Variants in TRIM49C observed in about 807,000 individuals in gnomAD.
TRIM49C encodes the protein tripartite motif containing 49C.
Under a neutral mutation model 21.4 loss-of-function variants are expected in TRIM49C, and 6 were observed. That is an observed-to-expected ratio of 0.28 (90% CI 0.15 to 0.55). TRIM49C has a LOEUF of 0.55. Ranked by LOEUF, TRIM49C falls within the 20% of genes least tolerant of loss-of-function variation. The pLI is 0.94. For missense variants in TRIM49C, 161 were observed against 442.4 expected (o/e 0.36, Z 5.71); for synonymous variants, 57 against 148.1 (o/e 0.38, Z 4.47).
At chr11:90,040,925 A>G (rs1352728079) in intron 7 of TRIM49C, 126 bp from the exon 8 acceptor site, 3 of 1,404,236 alleles carry the variant, frequency 2.1e-6, no homozygotes, top group Non-Finnish European at 2.8e-6. Context: ...ATACTTTACT[A>G]GAAGTTACAA....
At chr11:90,054,383 T>C in the TRIM49C span, among the ~76,000 whole-genome samples, 17 of 135,796 alleles carry the variant, frequency 1.3e-4, 6 homozygotes, top group Admixed American at 1.7e-4. Flanking sequence ...GGTGTTATAC[T>C]CCTTTTTCGC....
chr11:90,042,196 C>T (rs1950775695), downstream of TRIM49C, among the ~76,000 whole-genome samples: 1 of 146,136 alleles, frequency 6.8e-6, no homozygotes, highest in African/African-American at 2.6e-5. Flanking sequence ...CTACCTCAAA[C>T]CATACACAGT....
the TRIM49C span, among the ~76,000 whole-genome samples, chr11:90,069,268 C>A: frequency 1.7e-5 from 2 of 119,346 alleles, 1 homozygote; most frequent in Non-Finnish European, 3.3e-5. Flanking sequence ...CCACGCCCAG[C>A]TAATTTTTTT....
At chr11:90,065,949 C>T in the TRIM49C span, among the ~76,000 whole-genome samples, 1 of 133,818 alleles carries the variant, frequency 7.5e-6, no homozygotes, top group Admixed American at 8.7e-5. Context: ...GAGCGAGACT[C>T]TGTCTCAAAA....
At chr11:90,060,535 C>T in the TRIM49C span, among the ~76,000 whole-genome samples, 3 of 149,282 alleles carry the variant, frequency 2.0e-5, no homozygotes, top group Non-Finnish European at 4.5e-5. Flanking sequence ...CATTAATTTC[C>T]TAACCTTATT....
chr11:90,070,741 G>A, the TRIM49C span, among the ~76,000 whole-genome samples: 3 of 141,224 alleles, frequency 2.1e-5, 1 homozygote, highest in Non-Finnish European at 4.6e-5. Flanking sequence ...TAATTCTAAA[G>A]TTTTCAAAAC....
At position 90,039,373 on chromosome 11, in the gene TRIM49C, T is replaced by C. The variant is rs1478384719; in HGVS notation, c.762-492T>C. Among the ~76,000 whole-genome samples the C allele has an allele frequency of 1.2e-4, 16 of 129,572 alleles. 2 individuals are homozygous for C. The highest frequency in any genetic ancestry group is 4.7e-4 in the African/African-American group (16 of 34,206). 85.0% of individuals were successfully genotyped at this position (129,572 alleles called of 152,430 possible). A position where few individuals can be genotyped will look rare whatever the true frequency, so the allele number is the denominator to read the frequency against. ...TGATGTTTTGTTTTTTATACATATA[T>C]ACATATCAGTTAACAGTTCTGAAAA... is the stretch of plus-strand genomic sequence containing the variant. On this transcript the variant is annotated intron_variant, in intron 6 of 7. Transcript: ENST00000448984.
At chr11:90,034,969 G>A (rs1950714624) in intron 2 of TRIM49C, among the ~76,000 whole-genome samples, 1 of 136,488 alleles carries the variant, frequency 7.3e-6, no homozygotes, top group Non-Finnish European at 1.6e-5. Context: ...TTTGTATTAT[G>A]CTACAGACAG....
At chr11:90,046,030 G>A (rs367919447), downstream of TRIM49C, among the ~76,000 whole-genome samples, 3 of 121,794 alleles carry the variant, frequency 2.5e-5, 1 homozygote, top group East Asian at 7.6e-4. Flanking sequence ...TGCATCTATT[G>A]AGATAATCAC....
rs374297173 is a variant in TRIM49C at position 90,038,676 on chromosome 11, C to CTT, written c.739-5_739-4dup. On this transcript the variant is annotated splice_polypyrimidine_tract_variant and intron_variant, in intron 5 of 7. Coordinates refer to ENST00000448984, the MANE Select transcript of TRIM49C (RefSeq NM_001195234.1). ...TTGTGAAATGCACTAAATCTTTCTTCTTTTTTTTTTTTTCAGGCTTTTGGA... is the reference window on the plus strand; with the variant it reads ...TTGTGAAATGCACTAAATCTTTCTTCTTTTTTTTTTTTTTTCAGGCTTTTGGA... 786 of 811,378 alleles carry CTT rather than the reference C, an allele frequency of 9.7e-4. No homozygotes were observed. Among genetic ancestry groups the CTT allele is most frequent in the Admixed American group, 1.2e-3 (22 of 18,486 alleles). 50.3% of individuals were successfully genotyped at this position (811,378 alleles called of 1,614,324 possible).
chr11:90,059,204 G>A, the TRIM49C span: 1 of 2,016 alleles, frequency 5.0e-4, no homozygotes, highest in Non-Finnish European at 7.4e-4. Context: ...TCTTACCTCT[G>A]AAGTTGTTGA....
At chr11:90,039,357 G>C (rs1172205654) in intron 6 of TRIM49C, among the ~76,000 whole-genome samples, 1 of 129,544 alleles carries the variant, frequency 7.7e-6, no homozygotes, top group East Asian at 2.4e-4. Context: ...TTGATGTTTT[G>C]TTTTTTATAC....
intron 2 of TRIM49C, among the ~76,000 whole-genome samples, chr11:90,033,390 C>T (rs1440750087): frequency 1.5e-5 from 2 of 135,266 alleles, no homozygotes; most frequent in African/African-American, 5.3e-5. Context: ...CATTCATGGG[C>T]CATTTGAGTC....
At chr11:90,047,449 C>T in the TRIM49C span, among the ~76,000 whole-genome samples, 3 of 107,546 alleles carry the variant, frequency 2.8e-5, 1 homozygote, top group African/African-American at 1.2e-4. Flanking sequence ...AATCTGAGTG[C>T]TCCTGTATTG....
chr11:90,064,842 CA>C, the TRIM49C span, among the ~76,000 whole-genome samples: 19 of 151,792 alleles, frequency 1.3e-4, no homozygotes, highest in African/African-American at 3.4e-4. Context: ...CTTGGCCTCT[CA>C]AAGTGCTAGG....
At chr11:90,069,239 G>A in the TRIM49C span, among the ~76,000 whole-genome samples, 1 of 125,590 alleles carries the variant, frequency 8.0e-6, no homozygotes, top group East Asian at 2.3e-4. Flanking sequence ...CAAGTAGCTG[G>A]GACTACAGGC....
chr11:90,050,081 G>C, the TRIM49C span: 2 of 113,442 alleles, frequency 1.8e-5, 1 homozygote, highest in Admixed American at 2.0e-4. Flanking sequence ...CCACAAAGTG[G>C]CCACTTAAAG....
At chr11:90,046,867 C>G (rs1223406452), downstream of TRIM49C, among the ~76,000 whole-genome samples, 2 of 124,018 alleles carry the variant, frequency 1.6e-5, 1 homozygote, top group Non-Finnish European at 3.3e-5. Flanking sequence ...GTTAGGGTGT[C>G]AATTTTGGAT....
Position 90,041,184 on chromosome 11 carries a change from G to A in TRIM49C, c.993G>A (p.Trp331Ter). The A allele has an allele frequency of 1.3e-6, 2 of 1,598,822 alleles. No individual in the cohort carries two copies. The highest frequency in any genetic ancestry group is 1.7e-6 in the Non-Finnish European group (2 of 1,172,566). ...CAACACCTAGAAGTTTTCTTGCATG[G>A]GGTGTTCAGACTTTCACCTCGGGCA... ...FTATPRSFLA[W>*]GVQTFTSGKY... is the part of the protein sequence containing the mutation. The change falls in exon 8 of 8, where the codon TGG becomes TGA. Residue 331 changes from tryptophan (W) to a stop codon, truncating the protein, a stop_gained. Transcript: ENST00000448984. LOFTEE classifies it low-confidence loss of function (END_TRUNC).
Sources: gnomAD v4.1 joint callset for allele counts (sites outside exome capture counted in the v4.1 genomes callset) on GRCh38, gnomAD v4.1.1 for gene constraint, MANE v1.5 for transcripts, NCBI Gene and HGNC (gene_info 2026-07-23, HGNC 2026-07-21) for gene names.